Variants in DNAJC27 observed in about 807,000 individuals in gnomAD.
The protein encoded by DNAJC27 is DnaJ heat shock protein family (Hsp40) member C27.
DNAJC27 carries 25 observed loss-of-function variants against 31.4 expected under a neutral mutation model. That is an observed-to-expected ratio of 0.80 (90% CI 0.58 to 1.11). The LOEUF (loss-of-function observed/expected upper bound fraction) is 1.11, where lower values mean the gene tolerates loss of function less well. DNAJC27 is among the 50% of genes most tolerant of loss of function. The pLI is 0.00. For missense variants in DNAJC27, 356 were observed against 347.3 expected (o/e 1.02, Z -0.20); for synonymous variants, 106 against 112.7 (o/e 0.94, Z 0.37).
rs760707548 is a variant in DNAJC27, at chr2:24,967,422, G to A, written c.88-129C>T. The A allele has an allele frequency of 9.7e-4, 701 of 723,090 alleles. 1 individual carries two copies. Among genetic ancestry groups the A allele is most frequent in the Non-Finnish European group, 1.4e-3 (627 of 439,316 alleles). The allele number at this position is 723,090 out of a possible 1,614,324, so 44.8% of individuals were successfully genotyped here. A position where few individuals can be genotyped will look rare whatever the true frequency, so the allele number is the denominator to read the frequency against. On this transcript the variant is annotated intron_variant, in intron 1 of 6. Transcript: ENST00000264711. ...AGCATTTTCAAAAGACAAAAGTGGC[G>A]GGGCGCGGTGGCTCACGCCTGTCAT...
At chr2:24,965,138 G>A (rs528379638) in intron 2 of DNAJC27, among the ~76,000 whole-genome samples, 1 of 151,772 alleles carries the variant, frequency 6.6e-6, no homozygotes, top group Non-Finnish European at 1.5e-5. Flanking sequence ...CCCGGGAGGC[G>A]GAAGTTGCAG....
At chr2:24,971,591 C>G (rs534591306) in intron 1 of DNAJC27, 2 of 466,666 alleles carry the variant, frequency 4.3e-6, no homozygotes, top group Admixed American at 8.2e-5. Context: ...AGAGGCCACC[C>G]CAGACACCAT....
At chr2:24,949,158 C>T (rs2149120208) in intron 6 of DNAJC27, among the ~76,000 whole-genome samples, 1 of 152,296 alleles carries the variant, frequency 6.6e-6, no homozygotes, top group East Asian at 1.9e-4. Context: ...GGGGGACCTT[C>T]CTGGTGCCCT....
chr2:24,954,754 G>A (rs947727395), intron 5 of DNAJC27, among the ~76,000 whole-genome samples: 1 of 152,082 alleles, frequency 6.6e-6, no homozygotes, highest in African/African-American at 2.4e-5. Flanking sequence ...TGGCTAACTC[G>A]GTGAAACCCT....
chr2:24,969,144 C>A, intron 1 of DNAJC27: 1 of 205,266 alleles, frequency 4.9e-6, no homozygotes, highest in South Asian at 9.1e-5. Flanking sequence ...AGGAGCAAGT[C>A]CCTTCTTGGA....
Position 24,947,622 on chromosome 2 carries a change from G to T in DNAJC27, c.816C>A (p.Ile272=). 6.2e-7 allele frequency: 1 copy of T among 1,602,924 alleles called. No individual in the cohort carries two copies. Among genetic ancestry groups the T allele is most frequent in the Non-Finnish European group, 8.5e-7 (1 of 1,171,386 alleles). ...TGGCTTTTTTCTGTACTTTCTACTT[G>T]ATGTTTTTCAGGAGGGCTGTCCGAG... ...VNARTALLKN[I]K is the part of the protein sequence containing the mutation. Residue 272 remains isoleucine (I), a synonymous_variant, in exon 7 of 7, where the codon ATC becomes ATA. Coordinates refer to ENST00000264711, the MANE Select transcript of DNAJC27 (RefSeq NM_016544.3).
At chr2:24,955,211 A>G (rs962422429) in intron 5 of DNAJC27, among the ~76,000 whole-genome samples, 3 of 152,246 alleles carry the variant, frequency 2.0e-5, no homozygotes, top group Non-Finnish European at 2.9e-5. Flanking sequence ...AAAGGAAAAT[A>G]TACTCTTAAT....
chr2:24,945,990 A>C lies in DNAJC27; in HGVS notation c.*1626T>G, dbSNP rs554899063. ...GACAGGAAGATTTTATATACTTTCA[A>C]GCCCCAATTAGTACAGCTAATTGAA... On this transcript the variant is annotated 3_prime_UTR_variant, in exon 7 of 7. Transcript: ENST00000264711. The C allele has an allele frequency of 4.8e-4, 73 of 152,354 alleles. No individual in the cohort carries two copies. The highest frequency in any genetic ancestry group is 1.6e-3 in the African/African-American group (68 of 41,592). The allele number at this position is 152,354 out of a possible 1,614,324, so 9.4% of individuals were successfully genotyped here. A position where few individuals can be genotyped will look rare whatever the true frequency, so the allele number is the denominator to read the frequency against.
Position 24,947,457 on chromosome 2 carries a change from G to A in DNAJC27, c.*159C>T, listed in dbSNP as rs1558549356. On this transcript the variant is annotated 3_prime_UTR_variant, in exon 7 of 7. Coordinates refer to ENST00000264711, the MANE Select transcript of DNAJC27 (RefSeq NM_016544.3). The stretch of plus-strand genomic sequence containing the variant: ...AATGCAGGTCATTTCTCAGTAAAAT[G>A]TCTATGAAATGGGTACCTGAATTAC... 3 of 823,734 alleles carry A rather than the reference G, an allele frequency of 3.6e-6. No individual in the cohort carries two copies. Among genetic ancestry groups the A allele is most frequent in the East Asian group, 4.9e-5 (2 of 40,446 alleles). 51.0% of individuals were successfully genotyped at this position (823,734 alleles called of 1,614,324 possible). A position where few individuals can be genotyped will look rare whatever the true frequency, so the allele number is the denominator to read the frequency against.
In DNAJC27 at chr2:24,957,113, G is replaced by C. The variant is rs1665923454; in HGVS notation, c.458C>G (p.Ala153Gly). 6.2e-7 allele frequency: 1 copy of C among 1,608,890 alleles called. No individual in the cohort carries two copies. Among genetic ancestry groups the C allele is most frequent in the East Asian group, 2.2e-5 (1 of 44,618 alleles). ...CVDESEGRLW[A>G]ESKGFLYFET... ...AAAGTACAGGAACCCTTTGCTTTCA[G>C]CCCAAAGACGTCCTTCACTTTCATC... Residue 153 changes from alanine (A) to glycine (G), a missense_variant, in exon 5 of 7, where the codon GCT (alanine) becomes GGT (glycine). By Grantham distance (60) the Ala-to-Gly change is moderately conservative (BLOSUM62 0). Coordinates refer to ENST00000264711, the MANE Select transcript of DNAJC27 (RefSeq NM_016544.3).
chr2:24,969,716 C>A (rs930800921), intron 1 of DNAJC27, among the ~76,000 whole-genome samples: 3 of 152,150 alleles, frequency 2.0e-5, no homozygotes, highest in Non-Finnish European at 2.9e-5. Flanking sequence ...TGAGCTCAGG[C>A]AATCCACCTG....
At chr2:24,949,951 T>G (rs1573107156) in intron 6 of DNAJC27, among the ~76,000 whole-genome samples, 1 of 148,348 alleles carries the variant, frequency 6.7e-6, no homozygotes, top group Non-Finnish European at 1.5e-5. Flanking sequence ...TTTTTTTTCA[T>G]AAATGGAGAA....
Position 24,949,150 on chromosome 2 carries a change from G to A in DNAJC27, c.690-1402C>T, listed in dbSNP as rs182936265. On this transcript the variant is annotated intron_variant, in intron 6 of 6. Transcript: ENST00000264711. Reference sequence around the variant, plus strand: ...TCCTTCTTTCATAAGGATACTCTGGGGGACCTTCCTGGTGCCCTGCGTGTT... The same window carrying A: ...TCCTTCTTTCATAAGGATACTCTGGAGGACCTTCCTGGTGCCCTGCGTGTT... Among the ~76,000 whole-genome samples the A allele has an allele frequency of 1.8e-4, 27 of 152,244 alleles. 1 individual carries two copies. In the East Asian group the frequency reaches 5.0e-3, roughly 28 times the overall value.
In DNAJC27 at chr2:24,971,867, C is replaced by T. The variant is rs770260817; in HGVS notation, c.38G>A (p.Arg13Lys). Residue 13 changes from arginine (R) to lysine (K), a missense_variant, in exon 1 of 7, where the codon AGG becomes AAG. Transcript: ENST00000264711. ...ANMPKRKEPG[R>K]SLRIKVISMG... ...GGAGATGACTTTGATGCGGAGAGAC[C>T]TGCCGGGCTCCTTCCGCTTCGGCAT... 4 of 1,609,486 alleles carry T rather than the reference C, an allele frequency of 2.5e-6. No individual in the cohort carries two copies. Among genetic ancestry groups the T allele is most frequent in the Admixed American group, 3.4e-5 (2 of 59,470 alleles).
intron 3 of DNAJC27, among the ~76,000 whole-genome samples, chr2:24,959,785 G>A (rs975217812): frequency 6.6e-6 from 1 of 152,144 alleles, no homozygotes; most frequent in Non-Finnish European, 1.5e-5. Flanking sequence ...CCCTACTCCT[G>A]CAAAACAGAA....
At chr2:24,948,985 A>G (rs954100776) in intron 6 of DNAJC27, among the ~76,000 whole-genome samples, 1 of 152,184 alleles carries the variant, frequency 6.6e-6, no homozygotes, top group Non-Finnish European at 1.5e-5. Flanking sequence ...GCTATGATGG[A>G]AAGTTTTATG....
At chr2:24,958,644 T>C (rs77093456) in intron 3 of DNAJC27, 4,623 of 305,968 alleles carry the variant, frequency 0.015, 191 homozygotes, top group African/African-American at 0.088. Context: ...AGGGTTATTA[T>C]GATGGTTAAA....
At chr2:24,970,581 C>G (rs1666305782) in intron 1 of DNAJC27, among the ~76,000 whole-genome samples, 2 of 151,296 alleles carry the variant, frequency 1.3e-5, no homozygotes, top group South Asian at 4.2e-4. Context: ...TCTCCCGCCT[C>G]GGCCTCCCAA....
In DNAJC27 at chr2:24,944,645, G is replaced by T. The variant is rs1309832616; in HGVS notation, c.*2971C>A. On this transcript the variant is annotated 3_prime_UTR_variant, in exon 7 of 7. Coordinates refer to ENST00000264711, the MANE Select transcript of DNAJC27 (RefSeq NM_016544.3). ...AGCAACACAATGACCCCCAAGTCTG[G>T]ATTTTTAAATTAACAGGCTAAGAAA... is the stretch of plus-strand genomic sequence containing the variant. 6.6e-6 allele frequency: 1 copy of T among 152,548 alleles called. No homozygotes were observed. The highest frequency in any genetic ancestry group is 1.9e-4 in the East Asian group (1 of 5,200). The allele number at this position is 152,548 out of a possible 1,614,324, so 9.4% of individuals were successfully genotyped here.
Sources: gnomAD v4.1 joint callset for allele counts (sites outside exome capture counted in the v4.1 genomes callset) on GRCh38, gnomAD v4.1.1 for gene constraint, MANE v1.5 for transcripts, NCBI Gene and HGNC (gene_info 2026-07-23, HGNC 2026-07-21) for gene names.